Variants in CADM2 observed in about 807,000 individuals in gnomAD.
CADM2 encodes cell adhesion molecule 2, also known as immunoglobulin superfamily member 4D.
In CADM2, 12 loss-of-function variants were observed where a neutral mutation model predicts 49.8. That is an observed-to-expected ratio of 0.24 (90% CI 0.15 to 0.39). The LOEUF is 0.39. Ranked by LOEUF, CADM2 falls within the 10% of genes least tolerant of loss-of-function variation. The pLI is 1.00. For synonymous variants in CADM2, 214 were observed against 175.4 expected (o/e 1.22, Z -1.74); for missense variants, 378 against 492.3 (o/e 0.77, Z 2.20).
intron 1 of CADM2, among the ~76,000 whole-genome samples, chr3:85,439,817 A>G (rs1237988081): frequency 1.3e-5 from 2 of 152,188 alleles, no homozygotes; most frequent in African/African-American, 2.4e-5. Context: ...TGTTCAGAAT[A>G]TTCAGTTATC....
intron 1 of CADM2, among the ~76,000 whole-genome samples, chr3:85,393,048 T>G (rs1186000666): frequency 1.3e-5 from 2 of 149,968 alleles, no homozygotes; most frequent in African/African-American, 4.9e-5. Context: ...TTTGCAGGAT[T>G]AGTTGAAGAA....
chr3:85,765,072 T>G lies in CADM2; in HGVS notation c.89-36975T>G, dbSNP rs543404836. On this transcript the variant is annotated intron_variant, in intron 2 of 9. Transcript: ENST00000383699. ...AATGTAAAGAGCTCAACTTTGAATT[T>G]TTAATATTATTCCCTTCTTGGTTGT... 6.4e-4 allele frequency among the ~76,000 whole-genome samples: 97 copies of G among 152,218 alleles called. 1 individual carries two copies. The highest frequency in any genetic ancestry group is 5.4e-3 in the South Asian group (26 of 4,832).
At chr3:85,086,191 A>G (rs940182002) in intron 1 of CADM2, among the ~76,000 whole-genome samples, 1 of 152,192 alleles carries the variant, frequency 6.6e-6, no homozygotes, top group Non-Finnish European at 1.5e-5. Context: ...AAAATTCTCA[A>G]GAATAGGCGT....
intron 1 of CADM2, among the ~76,000 whole-genome samples, chr3:85,054,881 A>G (rs1032381018): frequency 6.6e-6 from 1 of 151,912 alleles, no homozygotes; most frequent in Non-Finnish European, 1.5e-5. Context: ...CCTCAAGTCT[A>G]TATGGATCTT....
intron 1 of CADM2, among the ~76,000 whole-genome samples, chr3:85,111,712 T>G (rs1477515170): frequency 6.6e-6 from 1 of 151,840 alleles, no homozygotes; most frequent in African/African-American, 2.4e-5. Flanking sequence ...CTGTAGTCAA[T>G]AATAACTTAA....
intron 8 of CADM2, among the ~76,000 whole-genome samples, chr3:86,002,065 C>G (rs771949721): frequency 1.3e-4 from 20 of 152,050 alleles, no homozygotes; most frequent in Non-Finnish European, 2.9e-4. Context: ...ATATAAAATA[C>G]TGATGGAGCT....
At chr3:85,372,200 C>A (rs2033287856) in intron 1 of CADM2, among the ~76,000 whole-genome samples, 1 of 151,592 alleles carries the variant, frequency 6.6e-6, no homozygotes, top group Non-Finnish European at 1.5e-5. Context: ...TTTAAATGAA[C>A]CCAAATATAT....
chr3:86,047,155 T>A (rs1377522555), intron 8 of CADM2, among the ~76,000 whole-genome samples: 1 of 152,162 alleles, frequency 6.6e-6, no homozygotes, highest in Non-Finnish European at 1.5e-5. Flanking sequence ...ATAGCTCTAT[T>A]ATTTCTTAAT....
At chr3:85,469,690 T>C (rs150802115) in intron 1 of CADM2, among the ~76,000 whole-genome samples, 21 of 152,214 alleles carry the variant, frequency 1.4e-4, no homozygotes, top group African/African-American at 4.8e-4. Flanking sequence ...AGTTATAGGG[T>C]ATCATGCATT....
At chr3:85,403,846 T>G (rs1194484540) in intron 1 of CADM2, among the ~76,000 whole-genome samples, 1 of 152,112 alleles carries the variant, frequency 6.6e-6, no homozygotes, top group Non-Finnish European at 1.5e-5. Context: ...ACAATGGCTA[T>G]GTTGGTATGA....
chr3:85,180,522 A>G (rs2040907528), intron 1 of CADM2, among the ~76,000 whole-genome samples: 7 of 147,702 alleles, frequency 4.7e-5, no homozygotes, highest in Admixed American at 4.7e-4. Context: ...AAGAAAAAAA[A>G]AAAAAAAAAA....
At chr3:86,021,258 C>T (rs1733131712) in intron 8 of CADM2, among the ~76,000 whole-genome samples, 1 of 152,132 alleles carries the variant, frequency 6.6e-6, no homozygotes, top group Non-Finnish European at 1.5e-5. Flanking sequence ...CCTCAGCCTC[C>T]CAAAGTGCTG....
intron 8 of CADM2, among the ~76,000 whole-genome samples, chr3:86,029,535 A>T (rs906876380): frequency 3.3e-5 from 5 of 151,892 alleles, no homozygotes; most frequent in Non-Finnish European, 5.9e-5. Flanking sequence ...TTAAACAGTG[A>T]TTTGCATTTT....
chr3:85,901,671 C>G (rs542589963), intron 5 of CADM2, among the ~76,000 whole-genome samples: 5 of 152,098 alleles, frequency 3.3e-5, no homozygotes, highest in Non-Finnish European at 7.4e-5. Flanking sequence ...TAATTCACAT[C>G]ATCAAATTCA....
At chr3:85,125,363 A>G (rs1044596935) in intron 1 of CADM2, among the ~76,000 whole-genome samples, 2 of 151,978 alleles carry the variant, frequency 1.3e-5, no homozygotes, top group Admixed American at 1.3e-4. Context: ...ACATTCGTGA[A>G]CTTAGATTTT....
At chr3:85,174,022 A>G (rs2040708034) in intron 1 of CADM2, among the ~76,000 whole-genome samples, 1 of 152,142 alleles carries the variant, frequency 6.6e-6, no homozygotes, top group Non-Finnish European at 1.5e-5. Context: ...ACACACATAC[A>G]CACACCTTTT....
intron 1 of CADM2, among the ~76,000 whole-genome samples, chr3:85,135,631 A>T (rs767798323): frequency 2.0e-5 from 3 of 152,110 alleles, no homozygotes; most frequent in Non-Finnish European, 4.4e-5. Flanking sequence ...GATTCAGTAC[A>T]TGAGTTTTTC....
At chr3:85,596,961 C>T (rs1559933285) in intron 1 of CADM2, among the ~76,000 whole-genome samples, 1 of 152,048 alleles carries the variant, frequency 6.6e-6, no homozygotes, top group Non-Finnish European at 1.5e-5. Context: ...AAGTAATTCA[C>T]CCACTTTGGC....
At chr3:85,683,622 T>G (rs1277766851) in intron 1 of CADM2, among the ~76,000 whole-genome samples, 1 of 152,206 alleles carries the variant, frequency 6.6e-6, no homozygotes, top group Non-Finnish European at 1.5e-5. Flanking sequence ...TGTCAAGTTC[T>G]TTTTGCTGAA....
Sources: allele counts gnomAD v4.1 joint callset (sites outside exome capture counted in the v4.1 genomes callset), GRCh38; gene constraint gnomAD v4.1.1; transcripts MANE v1.5; gene names NCBI Gene and HGNC (gene_info 2026-07-23, HGNC 2026-07-21).